CNTN4: variants seen among roughly 807,000 people sequenced by gnomAD.
CNTN4 encodes the protein contactin-4.
Under a neutral mutation model 122.5 loss-of-function variants are expected in CNTN4, and 77 were observed. The ratio of observed to expected loss-of-function variants is 0.63; its 90% CI spans 0.52 to 0.76. The LOEUF is 0.76. Among genes scored for constraint, CNTN4 ranks in the 30% least tolerant of loss-of-function variants. The pLI, the probability that CNTN4 is intolerant of heterozygous loss-of-function variation, is 0.00. For synonymous variants in CNTN4, 512 were observed against 447.0 expected (o/e 1.15, Z -1.83); for missense variants, 1,256 against 1,259.1 (o/e 1.00, Z 0.04).
chr3:2,739,779 T>G (rs1168485500), intron 5 of CNTN4, among the ~76,000 whole-genome samples: 1 of 152,184 alleles, frequency 6.6e-6, no homozygotes, highest in Non-Finnish European at 1.5e-5. Flanking sequence ...CGTTGCACAT[T>G]TATTTACTGA....
At chr3:3,053,518 T>C (rs1479038812) in intron 23 of CNTN4, among the ~76,000 whole-genome samples, 1 of 152,214 alleles carries the variant, frequency 6.6e-6, no homozygotes, top group Non-Finnish European at 1.5e-5. Context: ...CTACTCATAT[T>C]TTCCACTTTC....
At chr3:2,432,572 T>C (rs995202595) in intron 3 of CNTN4, among the ~76,000 whole-genome samples, 2 of 151,974 alleles carry the variant, frequency 1.3e-5, no homozygotes, top group African/African-American at 4.8e-5. Context: ...CAAATAGTAT[T>C]CCACCCTGTG....
chr3:2,628,964 A>T (rs2082311610), intron 4 of CNTN4, among the ~76,000 whole-genome samples: 1 of 152,186 alleles, frequency 6.6e-6, no homozygotes, highest in South Asian at 2.1e-4. Flanking sequence ...TTGAGTAAAA[A>T]TCCAACTGCT....
chr3:2,340,710 T>TATAGAGAGAGAG, intron 3 of CNTN4, among the ~76,000 whole-genome samples: 205 of 18,298 alleles, frequency 0.011, 10 homozygotes, highest in Non-Finnish European at 0.021. Flanking sequence ...TATATATATA[T>TATAGAGAGAGAG]AGAGAGAGAG....
chr3:2,199,054 C>T (rs2037975140), intron 2 of CNTN4, among the ~76,000 whole-genome samples: 1 of 152,174 alleles, frequency 6.6e-6, no homozygotes, highest in South Asian at 2.1e-4. Context: ...TGTCAGAATA[C>T]CTACAGCAAA....
intron 7 of CNTN4, among the ~76,000 whole-genome samples, chr3:2,831,401 C>T (rs895044118): frequency 6.6e-6 from 1 of 152,166 alleles, no homozygotes; most frequent in African/African-American, 2.4e-5. Flanking sequence ...CCAAATGAAG[C>T]ATAATAGTTT....
intron 2 of CNTN4, among the ~76,000 whole-genome samples, chr3:2,210,824 G>T (rs76393303): frequency 1.3e-5 from 2 of 152,108 alleles, no homozygotes; most frequent in Non-Finnish European, 2.9e-5. Context: ...GGAAGCAAAG[G>T]CGTTTTGTTA....
At chr3:2,677,585 G>C (rs1399466174) in intron 4 of CNTN4, among the ~76,000 whole-genome samples, 1 of 151,952 alleles carries the variant, frequency 6.6e-6, no homozygotes, top group Non-Finnish European at 1.5e-5. Flanking sequence ...AGGATGTCTG[G>C]AAAGTAATAC....
At chr3:2,991,017 A>G (rs978996356) in intron 14 of CNTN4, among the ~76,000 whole-genome samples, 3 of 152,198 alleles carry the variant, frequency 2.0e-5, no homozygotes, top group Admixed American at 6.5e-5. Context: ...AAAGTACTAA[A>G]TATGCATTGT....
intron 2 of CNTN4, among the ~76,000 whole-genome samples, chr3:2,314,775 G>A (rs1231039822): frequency 2.0e-5 from 3 of 151,670 alleles, no homozygotes; most frequent in Admixed American, 6.6e-5. Flanking sequence ...AATCTTAAAC[G>A]GAAAAAAATT....
chr3:2,554,330 C>G (rs1365703563), intron 3 of CNTN4, among the ~76,000 whole-genome samples: 1 of 151,730 alleles, frequency 6.6e-6, no homozygotes, highest in Non-Finnish European at 1.5e-5. Context: ...AATTTCTAAA[C>G]AGGATTTAGA....
intron 6 of CNTN4, among the ~76,000 whole-genome samples, chr3:2,765,033 T>C (rs1395376253): frequency 2.6e-5 from 4 of 152,206 alleles, no homozygotes; most frequent in Admixed American, 2.6e-4. Context: ...AAAATGCATT[T>C]CCGTCAGAGG....
chr3:2,718,877 G>C (rs2149381665), intron 4 of CNTN4, among the ~76,000 whole-genome samples: 1 of 152,064 alleles, frequency 6.6e-6, no homozygotes, highest in Middle Eastern at 3.4e-3. Context: ...CAAAATGATG[G>C]GCCCAAATTG....
intron 3 of CNTN4, among the ~76,000 whole-genome samples, chr3:2,475,388 A>T (rs180984979): frequency 6.6e-6 from 1 of 152,304 alleles, no homozygotes; most frequent in Non-Finnish European, 1.5e-5. Flanking sequence ...GAGGGTAAGG[A>T]TATGACATTA....
At chr3:2,844,834 A>G (rs1455626481) in intron 7 of CNTN4, among the ~76,000 whole-genome samples, 1 of 152,186 alleles carries the variant, frequency 6.6e-6, no homozygotes, top group Non-Finnish European at 1.5e-5. Context: ...CCTTTAACTG[A>G]CTTTCTGGAT....
At chr3:2,445,821 C>G (rs1007635843) in intron 3 of CNTN4, among the ~76,000 whole-genome samples, 2 of 152,160 alleles carry the variant, frequency 1.3e-5, no homozygotes, top group Non-Finnish European at 2.9e-5. Context: ...TCTCTCTCCA[C>G]CACATCCTCT....
intron 14 of CNTN4, among the ~76,000 whole-genome samples, chr3:3,021,990 T>C (rs1698335526): frequency 1.3e-5 from 2 of 148,152 alleles, no homozygotes; most frequent in Admixed American, 1.4e-4. Flanking sequence ...TTTGGGAGGC[T>C]GAGGCAGGCA....
At chr3:2,696,241 A>G (rs1255581011) in intron 4 of CNTN4, among the ~76,000 whole-genome samples, 8 of 152,228 alleles carry the variant, frequency 5.3e-5, no homozygotes. Context: ...AATTTCTGCG[A>G]AGTGGAGTTT....
chr3:2,820,084 A>G (rs1315034544), intron 7 of CNTN4, among the ~76,000 whole-genome samples: 2 of 152,136 alleles, frequency 1.3e-5, no homozygotes, highest in Non-Finnish European at 2.9e-5. Context: ...TAACTACCCC[A>G]TTAACTACTC....
Sources: gnomAD v4.1 joint callset for allele counts (sites outside exome capture counted in the v4.1 genomes callset) on GRCh38, gnomAD v4.1.1 for gene constraint, MANE v1.5 for transcripts, NCBI Gene and HGNC (gene_info 2026-07-23, HGNC 2026-07-21) for gene names.